Variants in NPTN observed in about 807,000 individuals in gnomAD.
NPTN encodes SDR-1.
Under a neutral mutation model 42.7 loss-of-function variants are expected in NPTN, and 5 were observed. That is an observed-to-expected ratio of 0.12 (90% confidence interval 0.06 to 0.25). NPTN has a LOEUF of 0.25. Ranked by LOEUF, NPTN falls within the 10% of genes least tolerant of loss-of-function variation. NPTN has a pLI of 1.00. For synonymous variants in NPTN, 180 were observed against 201.9 expected, an observed-to-expected ratio of 0.89 and a Z score of 0.92; for missense variants, 307 against 525.4, an observed-to-expected ratio of 0.58 and a Z score of 4.06.
At chr15:73,598,810 C>T (rs1896946107) in intron 1 of NPTN, among the ~76,000 whole-genome samples, 1 of 152,156 alleles carries the variant, frequency 6.6e-6, no homozygotes, top group African/African-American at 2.4e-5. Flanking sequence ...GTCCAGAAGC[C>T]AAGGATGTTA....
At chr15:73,614,408 T>C (rs1268533634) in intron 1 of NPTN, among the ~76,000 whole-genome samples, 1 of 152,236 alleles carries the variant, frequency 6.6e-6, no homozygotes, top group African/African-American at 2.4e-5. Flanking sequence ...CCCTTGTGTA[T>C]ATAACCAGAA....
rs139690081 is a variant in NPTN at position 73,629,479 on chromosome 15, C to T, written c.91+3646G>A. ...ATTGCTAAACCACTGAAGCAAACAG[C>T]CCTTGACAGAAAAGAAAAAGATCCA... On this transcript the variant is annotated intron_variant, in intron 1 of 8. Coordinates refer to ENST00000345330, the MANE Select transcript of NPTN (RefSeq NM_012428.4). 5.1e-3 allele frequency among the ~76,000 whole-genome samples: 771 copies of T among 151,712 alleles called. 15 individuals carry two copies. The highest frequency in any genetic ancestry group is 0.031 in the Admixed American group (473 of 15,180).
rs529056098 is a variant in NPTN, at chr15:73,600,295, G to A, written c.92-2926C>T. Among the ~76,000 whole-genome samples, 26 of 150,600 alleles carry A rather than the reference G, an allele frequency of 1.7e-4. No homozygotes were observed. The South Asian group carries it at 5.5e-3, about 32-fold the overall frequency. On this transcript the variant is annotated intron_variant, in intron 1 of 8. Transcript: ENST00000345330. ...ATTTAAATGAACTTTTAAAACACAAGATAAAAAACCCTTTAAAATGCCAAC... is the reference window on the plus strand; with the variant it reads ...ATTTAAATGAACTTTTAAAACACAAAATAAAAAACCCTTTAAAATGCCAAC...
intron 4 of NPTN, among the ~76,000 whole-genome samples, chr15:73,579,267 G>A (rs1895868354): frequency 1.4e-5 from 2 of 137,940 alleles, no homozygotes; most frequent in South Asian, 2.4e-4. Context: ...CGACAGAGGG[G>A]ACTCCGTCTC....
At chr15:73,575,691 C>T (rs1345292978) in intron 4 of NPTN, among the ~76,000 whole-genome samples, 1 of 152,176 alleles carries the variant, frequency 6.6e-6, no homozygotes, top group East Asian at 1.9e-4. Context: ...ATCTCATGTT[C>T]CACCTTTGAC....
intron 4 of NPTN, among the ~76,000 whole-genome samples, chr15:73,582,637 T>C (rs1442413191): frequency 6.6e-6 from 1 of 152,176 alleles, no homozygotes; most frequent in African/African-American, 2.4e-5. Flanking sequence ...GAGCCACAGT[T>C]CATATGAATT....
At chr15:73,609,604 C>A (rs1431547550) in intron 1 of NPTN, among the ~76,000 whole-genome samples, 1 of 152,164 alleles carries the variant, frequency 6.6e-6, no homozygotes, top group Non-Finnish European at 1.5e-5. Flanking sequence ...GTACTCCAGC[C>A]TGGGTGACAG....
intron 1 of NPTN, among the ~76,000 whole-genome samples, chr15:73,605,109 GGGAA>G (rs992982508): frequency 2.8e-5 from 4 of 144,354 alleles, no homozygotes; most frequent in African/African-American, 8.3e-5. Context: ...AGGGGGGGGG[GGGAA>G]AAGAATGATC....
Position 73,605,099 on chromosome 15 carries a change from AG to A in NPTN, c.92-7731del, listed in dbSNP as rs374734778. ...GTGACAGAGTAGAGACCCTGTCTCAAGGGGGGGGGGGGAAAAGAATGATCTA... is the reference window on the plus strand; with the variant it reads ...GTGACAGAGTAGAGACCCTGTCTCAAGGGGGGGGGGGAAAAGAATGATCTA... On this transcript the variant is annotated intron_variant, in intron 1 of 8. Coordinates refer to ENST00000345330, the MANE Select transcript of NPTN (RefSeq NM_012428.4). 9.1e-3 allele frequency among the ~76,000 whole-genome samples: 1,105 copies of A among 121,224 alleles called. 12 individuals carry two copies. Among genetic ancestry groups the A allele is most frequent in the Non-Finnish European group, 0.011 (654 of 60,720 alleles). 79.5% of individuals were successfully genotyped at this position (121,224 alleles called of 152,430 possible).
At position 73,591,951 on chromosome 15, in the gene NPTN, G is replaced by A; in HGVS notation, c.611+15C>T. The A allele has an allele frequency of 1.2e-6, 2 of 1,600,766 alleles. No homozygotes were observed. The highest frequency in any genetic ancestry group is 1.7e-6 in the Non-Finnish European group (2 of 1,171,870). On this transcript the variant is annotated intron_variant, in intron 3 of 8. Coordinates refer to ENST00000345330, the MANE Select transcript of NPTN (RefSeq NM_012428.4). The stretch of plus-strand genomic sequence containing the variant: ...ACTCCCTCCCACCTTCCCAGGAGCT[G>A]CCCACCACTCTCACCTGTACTCCAT...
chr15:73,633,218 TC>T lies in NPTN; in HGVS notation c.-4del, dbSNP rs578150411. The T allele has an allele frequency of 4.1e-3, 5,971 of 1,453,186 alleles. 25 individuals carry two copies. The highest frequency in any genetic ancestry group is 4.8e-3 in the Non-Finnish European group (5,265 of 1,098,134). 90.0% of individuals were successfully genotyped at this position (1,453,186 alleles called of 1,614,324 possible). A position where few individuals can be genotyped will look rare whatever the true frequency, so the allele number is the denominator to read the frequency against. On this transcript the variant is annotated 5_prime_UTR_variant, in exon 1 of 9. Coordinates refer to ENST00000345330, the MANE Select transcript of NPTN (RefSeq NM_012428.4). Reference sequence around the variant, plus strand: ...CTGGGCAGCGACGAACCCGACATCCTCCCTAGCAGAAGACCCAACAGCGAAT... The same window carrying T: ...CTGGGCAGCGACGAACCCGACATCCTCCTAGCAGAAGACCCAACAGCGAAT...
intron 8 of NPTN, 61 bp downstream of exon 8, chr15:73,561,835 T>C (rs1894687138): frequency 8.2e-7 from 1 of 1,218,842 alleles, no homozygotes; most frequent in Non-Finnish European, 1.2e-6. Flanking sequence ...TGTAACAAGG[T>C]CAATAGAGGC....
intron 1 of NPTN, among the ~76,000 whole-genome samples, chr15:73,615,742 C>T (rs950673722): frequency 3.3e-5 from 5 of 151,992 alleles, no homozygotes; most frequent in Admixed American, 6.6e-5. Flanking sequence ...TAACAAAGAC[C>T]GATTTTTAAA....
At chr15:73,574,768 G>T (rs570235675) in intron 4 of NPTN, among the ~76,000 whole-genome samples, 1 of 152,242 alleles carries the variant, frequency 6.6e-6, no homozygotes, top group Admixed American at 6.5e-5. Flanking sequence ...ATTTGCAACA[G>T]TTTCCTAGAC....
chr15:73,567,839 A>G (rs1360902520), intron 6 of NPTN: 7 of 985,334 alleles, frequency 7.1e-6, no homozygotes, highest in Non-Finnish European at 8.4e-6. Flanking sequence ...CCATCATTCC[A>G]GCATCTCAGA....
At chr15:73,562,062 T>C (rs1894708165) in intron 7 of NPTN, 92 bp from the exon 8 acceptor site, 3 of 910,644 alleles carry the variant, frequency 3.3e-6, no homozygotes, top group Non-Finnish European at 3.4e-6. Context: ...TTTCACTTAC[T>C]GCCATCCCTG....
At chr15:73,568,081 T>C (rs1456102267) in intron 6 of NPTN, 5 of 985,396 alleles carry the variant, frequency 5.1e-6, no homozygotes, top group Non-Finnish European at 6.0e-6. Flanking sequence ...GGTCCCCCAT[T>C]TGATTTCAGT....
chr15:73,624,243 G>C (rs999843257), intron 1 of NPTN, among the ~76,000 whole-genome samples: 9 of 152,206 alleles, frequency 5.9e-5, no homozygotes, highest in Non-Finnish European at 4.4e-5. Context: ...TGATCACTAT[G>C]TTATTTGTGT....
chr15:73,609,164 C>A (rs938807933), intron 1 of NPTN, among the ~76,000 whole-genome samples: 1 of 152,212 alleles, frequency 6.6e-6, no homozygotes, highest in African/African-American at 2.4e-5. Flanking sequence ...TAATTCCCTT[C>A]CCATATCTAG....
Sources: gnomAD v4.1 joint callset for allele counts (sites outside exome capture counted in the v4.1 genomes callset) on GRCh38, gnomAD v4.1.1 for gene constraint, MANE v1.5 for transcripts, NCBI Gene and HGNC (gene_info 2026-07-23, HGNC 2026-07-21) for gene names.